The following NEMP1 variants were observed in gnomAD, a reference collection of about 807,000 sequenced individuals.
NEMP1 encodes the protein transmembrane protein 194.
Under a neutral mutation model 53.7 loss-of-function variants are expected in NEMP1, and 29 were observed. The observed-to-expected ratio is 0.54, with a 90% CI of 0.40 to 0.74. The LOEUF (loss-of-function observed/expected upper bound fraction) is 0.74, where lower values mean the gene tolerates loss of function less well. NEMP1 is among the 30% of genes least tolerant of loss of function. The pLI is 0.00. For synonymous variants in NEMP1, 193 were observed against 192.9 expected, an observed-to-expected ratio of 1.00 and a Z score of 0.00; for missense variants, 477 against 528.6, an observed-to-expected ratio of 0.90 and a Z score of 0.96.
intron 1 of NEMP1, chr12:57,087,949 A>G (rs566313278): frequency 6.6e-6 from 1 of 152,340 alleles, no homozygotes; most frequent in Admixed American, 6.5e-5. Context: ...TGCAATGCGA[A>G]CCAGATGGGG....
rs1321887601 is a variant in NEMP1 at position 57,072,312 on chromosome 12, T to C, written c.252+476A>G. 2.6e-5 allele frequency among the ~76,000 whole-genome samples: 4 copies of C among 152,110 alleles called. No homozygotes were observed. The South Asian group carries it at 6.2e-4, about 24-fold the overall frequency. On this transcript the variant is annotated intron_variant, in intron 2 of 8. Transcript: ENST00000300128. ...AAAATTGGTCAGGTGTGGTGGCGTA[T>C]GCCTGTAATCCCAGCTACTTGGGAG... is the stretch of plus-strand genomic sequence containing the variant.
At position 57,076,950 on chromosome 12, in the gene NEMP1, C is replaced by T. The variant is rs575769970; in HGVS notation, c.127+1669G>A. Reference sequence around the variant, plus strand: ...GGCCAGACAGCAAGACTACATTCTGCGGGGCGGGGCGGGCGGGGGGTGGAG... The same window carrying T: ...GGCCAGACAGCAAGACTACATTCTGTGGGGCGGGGCGGGCGGGGGGTGGAG... On this transcript the variant is annotated intron_variant, in intron 1 of 8. Transcript: ENST00000300128. 2.6e-4 allele frequency among the ~76,000 whole-genome samples: 6 copies of T among 23,370 alleles called. No homozygotes were observed. The East Asian group carries it at 4.0e-3, about 16-fold the overall frequency. 15.3% of individuals were successfully genotyped at this position (23,370 alleles called of 152,430 possible). A position where few individuals can be genotyped will look rare whatever the true frequency, so the allele number is the denominator to read the frequency against.
At chr12:57,085,918 G>T (rs992137801) in intron 1 of NEMP1, among the ~76,000 whole-genome samples, 1 of 152,220 alleles carries the variant, frequency 6.6e-6, no homozygotes, top group African/African-American at 2.4e-5. Context: ...CCTGTGAATA[G>T]GATCAATTTA....
At position 57,063,219 on chromosome 12, in the gene NEMP1, A is replaced by C; in HGVS notation, c.880T>G (p.Ser294Ala). 6.2e-7 allele frequency: 1 copy of C among 1,614,218 alleles called. No individual in the cohort carries two copies. The highest frequency in any genetic ancestry group is 2.2e-5 in the East Asian group (1 of 44,882). ...GCAATATGTGGTATCTGGATGCCAG[A>C]ATACATGAAACACAGGCCCATCAGC... Reference protein sequence around the residue: ...LQLMGLCFMYSGIQIPHIALA... With the variant: ...LQLMGLCFMYAGIQIPHIALA... Residue 294 changes from serine to alanine, a missense_variant, in exon 7 of 9, where the codon TCT becomes GCT. Physicochemically the swap from Ser to Ala is moderately conservative, Grantham distance 99. Transcript: ENST00000300128.
intron 7 of NEMP1, 132 bp from the exon 8 acceptor site, chr12:57,061,077 C>T (rs2031776828): frequency 1.2e-6 from 1 of 850,618 alleles, no homozygotes; most frequent in Non-Finnish European, 1.8e-6. Flanking sequence ...CTAAAAATTC[C>T]ATGGACATCT....
At chr12:57,076,422 G>A (rs2032623487) in intron 1 of NEMP1, among the ~76,000 whole-genome samples, 1 of 152,098 alleles carries the variant, frequency 6.6e-6, no homozygotes, top group African/African-American at 2.4e-5. Context: ...CCAGTACTTT[G>A]GTAGGCTGAG....
At chr12:57,064,790 G>T (rs1463551007) in intron 4 of NEMP1, 51 bp from the exon 5 acceptor site, 2 of 1,368,244 alleles carry the variant, frequency 1.5e-6, no homozygotes, top group South Asian at 1.2e-5. Context: ...TTCATACATA[G>T]CACTGTTGAA....
chr12:57,077,919 T>C (rs1212811891), intron 1 of NEMP1, among the ~76,000 whole-genome samples: 1 of 151,664 alleles, frequency 6.6e-6, no homozygotes, highest in Non-Finnish European at 1.5e-5. Flanking sequence ...CCATTTCTAC[T>C]AAAAATACAA....
intron 1 of NEMP1, chr12:57,087,841 GC>G: frequency 6.6e-6 from 1 of 152,262 alleles, no homozygotes. Context: ...GCTTTCCCCG[GC>G]CCCCACCCCC....
At chr12:57,075,252 G>A (rs1274254040) in intron 1 of NEMP1, among the ~76,000 whole-genome samples, 2 of 151,646 alleles carry the variant, frequency 1.3e-5, no homozygotes, top group Non-Finnish European at 2.9e-5. Flanking sequence ...GCTGGGTACG[G>A]TGGCGGGCGC....
chr12:57,088,451 A>G (rs1057222226), upstream of NEMP1, among the ~76,000 whole-genome samples: 5 of 152,076 alleles, frequency 3.3e-5, no homozygotes, highest in African/African-American at 1.2e-4. Flanking sequence ...ACTATACGGG[A>G]GTCAGATGCA....
upstream of NEMP1, among the ~76,000 whole-genome samples, chr12:57,088,247 C>G (rs1338800209): frequency 1.3e-5 from 2 of 152,222 alleles, no homozygotes. Flanking sequence ...CGCGTCTAAT[C>G]AACACGCGCA....
chr12:57,072,657 T>C (rs1257730905), intron 2 of NEMP1, 131 bp downstream of exon 2: 10 of 995,574 alleles, frequency 1.0e-5, no homozygotes, highest in Non-Finnish European at 1.5e-5. Context: ...CTCAGGATAA[T>C]CTCAACCCTA....
At chr12:57,086,945 C>G (rs2033013353) in intron 1 of NEMP1, among the ~76,000 whole-genome samples, 1 of 152,226 alleles carries the variant, frequency 6.6e-6, no homozygotes, top group African/African-American at 2.4e-5. Flanking sequence ...TTCTCTCATC[C>G]GAATCTCACG....
At chr12:57,074,137 T>G (rs1000231914) in intron 1 of NEMP1, among the ~76,000 whole-genome samples, 45 of 121,772 alleles carry the variant, frequency 3.7e-4, no homozygotes, top group Middle Eastern at 7.7e-3. Flanking sequence ...CCCAGCTAGT[T>G]TTTTTTTTTT....
upstream of NEMP1, among the ~76,000 whole-genome samples, chr12:57,081,242 TTTTTTG>T (rs1421758566): frequency 6.6e-6 from 1 of 152,122 alleles, no homozygotes; most frequent in East Asian, 1.9e-4. Flanking sequence ...CATTATGGGC[TTTTTTG>T]TTTTTGTTTT....
rs189742590 is a variant in NEMP1 at position 57,063,717 on chromosome 12, A to C, written c.754+354T>G. On this transcript the variant is annotated intron_variant, in intron 6 of 8. Transcript: ENST00000300128. ...TCTACAGCAGTTCATTCAGAAATGAAGGAGAAAAAAATTAACTGCGGAGTC... is the reference window on the plus strand; with the variant it reads ...TCTACAGCAGTTCATTCAGAAATGACGGAGAAAAAAATTAACTGCGGAGTC... 2.0e-5 allele frequency among the ~76,000 whole-genome samples: 3 copies of C among 152,354 alleles called. No homozygotes were observed. In the East Asian group the frequency reaches 5.8e-4, roughly 29 times the overall value.
intron 1 of NEMP1, among the ~76,000 whole-genome samples, chr12:57,087,747 C>T (rs1274140075): frequency 1.3e-5 from 2 of 152,028 alleles, no homozygotes; most frequent in African/African-American, 4.8e-5. Context: ...TGCCCCACCC[C>T]AGCCCCTCAG....
chr12:57,083,117 ACTT>A (rs531163686), upstream of NEMP1, among the ~76,000 whole-genome samples: 22 of 152,338 alleles, frequency 1.4e-4, no homozygotes, highest in East Asian at 2.7e-3. Context: ...ATATACACAT[ACTT>A]CATTTTTTTT....
Sources: allele counts gnomAD v4.1 joint callset (sites outside exome capture counted in the v4.1 genomes callset), GRCh38; gene constraint gnomAD v4.1.1; transcripts MANE v1.5; gene names NCBI Gene and HGNC (gene_info 2026-07-23, HGNC 2026-07-21).